Variants in TMTC2 observed in about 807,000 individuals in gnomAD.
TMTC2 encodes the protein transmembrane O-mannosyltransferase targeting cadherins 2.
Under a neutral mutation model 82.4 loss-of-function variants are expected in TMTC2, and 43 were observed. That is an observed-to-expected ratio of 0.52 (90% CI 0.41 to 0.67). TMTC2 has a LOEUF of 0.67. TMTC2 is among the 30% of genes least tolerant of loss of function. The probability of loss-of-function intolerance (pLI) is 0.00; values close to 1 mark genes in which losing one functional copy is unlikely to be tolerated. For synonymous variants in TMTC2, 408 were observed against 381.9 expected (o/e 1.07, Z -0.80); for missense variants, 919 against 1,012.4 (o/e 0.91, Z 1.25).
intron 8 of TMTC2, among the ~76,000 whole-genome samples, chr12:83,003,361 T>G (rs1880011093): frequency 6.6e-6 from 1 of 151,914 alleles, no homozygotes; most frequent in African/African-American, 2.4e-5. Context: ...TCTTGATTTT[T>G]TAATGTAACT....
chr12:82,730,457 C>T (rs148223626), intron 1 of TMTC2, among the ~76,000 whole-genome samples: 1 of 152,280 alleles, frequency 6.6e-6, no homozygotes, highest in African/African-American at 2.4e-5. Context: ...TGCTAGTTAT[C>T]AGTATGTGCC....
chr12:82,925,992 GT>G (rs66942274), intron 3 of TMTC2, among the ~76,000 whole-genome samples: 91,567 of 132,166 alleles, frequency 0.69, 30,224 homozygotes, highest in South Asian at 0.78. Flanking sequence ...TTTTTTTTTT[GT>G]TTTTTTTTTG....
chr12:82,884,994 C>T (rs879838053), intron 2 of TMTC2, among the ~76,000 whole-genome samples: 13 of 152,134 alleles, frequency 8.5e-5, no homozygotes, highest in African/African-American at 1.9e-4. Flanking sequence ...CCCAGACTCA[C>T]GCAATCCTCC....
intron 1 of TMTC2, among the ~76,000 whole-genome samples, chr12:82,842,298 T>C (rs1189678965): frequency 1.3e-5 from 2 of 152,244 alleles, no homozygotes; most frequent in African/African-American, 4.8e-5. Flanking sequence ...TAGTGTTTTA[T>C]TGTGTCTGTT....
At chr12:82,849,316 G>A (rs1870847703) in intron 1 of TMTC2, among the ~76,000 whole-genome samples, 1 of 152,198 alleles carries the variant, frequency 6.6e-6, no homozygotes, top group Non-Finnish European at 1.5e-5. Flanking sequence ...ATAGCCTAAT[G>A]AAGGAAAGAG....
Position 83,133,086 on chromosome 12 carries a change from G to C in TMTC2, c.*697G>C, listed in dbSNP as rs1271876685. On this transcript the variant is annotated 3_prime_UTR_variant, in exon 12 of 12. Transcript: ENST00000321196. ...GCTAACCATACTTCACACTCGAGTTGTATGAGGGACTGGGGAGGCCTTATA... is the reference window on the plus strand; with the variant it reads ...GCTAACCATACTTCACACTCGAGTTCTATGAGGGACTGGGGAGGCCTTATA... The C allele has an allele frequency of 3.3e-5, 5 of 152,178 alleles. No individual in the cohort carries two copies. The highest frequency in any genetic ancestry group is 3.3e-4 in the Admixed American group (5 of 15,282). 9.4% of individuals were successfully genotyped at this position (152,178 alleles called of 1,614,324 possible). A position where few individuals can be genotyped will look rare whatever the true frequency, so the allele number is the denominator to read the frequency against.
At chr12:83,122,184 C>T (rs990379133) in intron 11 of TMTC2, among the ~76,000 whole-genome samples, 4 of 151,972 alleles carry the variant, frequency 2.6e-5, no homozygotes, top group Non-Finnish European at 2.9e-5. Context: ...AAGCAAGTTT[C>T]GCCGAGTCTG....
At chr12:83,028,699 G>A (rs766773835) in intron 8 of TMTC2, among the ~76,000 whole-genome samples, 2 of 152,072 alleles carry the variant, frequency 1.3e-5, no homozygotes, top group African/African-American at 4.8e-5. Context: ...CTAAACAAGT[G>A]TGGGAGCTGT....
At chr12:82,720,622 G>A (rs1475822765) in intron 1 of TMTC2, among the ~76,000 whole-genome samples, 1 of 152,104 alleles carries the variant, frequency 6.6e-6, no homozygotes, top group Admixed American at 6.5e-5. Context: ...CTGCAGATAC[G>A]ATCATTATCT....
At chr12:83,101,840 G>C (rs1884227648) in intron 11 of TMTC2, among the ~76,000 whole-genome samples, 2 of 152,174 alleles carry the variant, frequency 1.3e-5, no homozygotes. Context: ...ATTAATGGAA[G>C]ACAGACTTTC....
chr12:83,101,437 C>G lies in TMTC2; in HGVS notation c.2332-30773C>G, dbSNP rs979830420. Among the ~76,000 whole-genome samples, 3 of 152,178 alleles carry G rather than the reference C, an allele frequency of 2.0e-5. No homozygotes were observed. The East Asian group carries it at 5.8e-4, about 29-fold the overall frequency. ...GTTGGTGCAAATAGGTTTTCAGCATCTCTCAGTAACTCTGTCTGCCTTTCT... is the reference window on the plus strand; with the variant it reads ...GTTGGTGCAAATAGGTTTTCAGCATGTCTCAGTAACTCTGTCTGCCTTTCT... On this transcript the variant is annotated intron_variant, in intron 11 of 11. Transcript: ENST00000321196.
At chr12:82,890,904 A>G (rs1311862365) in intron 2 of TMTC2, among the ~76,000 whole-genome samples, 2 of 152,162 alleles carry the variant, frequency 1.3e-5, no homozygotes, top group African/African-American at 2.4e-5. Context: ...AATGCTCCCT[A>G]TCAAAGATTG....
At chr12:82,892,755 C>T (rs1873460691) in intron 2 of TMTC2, among the ~76,000 whole-genome samples, 1 of 152,156 alleles carries the variant, frequency 6.6e-6, no homozygotes, top group Admixed American at 6.6e-5. Context: ...TGTTCTTAGG[C>T]ACATTTTAAA....
chr12:82,881,099 T>G (rs949696950), intron 2 of TMTC2, among the ~76,000 whole-genome samples: 3 of 152,178 alleles, frequency 2.0e-5, no homozygotes, highest in Admixed American at 1.3e-4. Context: ...ATTTAAAAGA[T>G]AGTACTATAA....
In TMTC2 at chr12:82,876,130, A is replaced by ATGGTGG. The variant is rs575160141; in HGVS notation, c.654+18570_654+18575dup. The stretch of plus-strand genomic sequence containing the variant: ...GGTGGTGGTGGTGGTGGTATTAGTA[A>ATGGTGG]TGGTGGTGGTGGTGGTGGTGGTGGT... On this transcript the variant is annotated intron_variant, in intron 2 of 11. Transcript: ENST00000321196. Among the ~76,000 whole-genome samples, 62 of 111,356 alleles carry ATGGTGG rather than the reference A, an allele frequency of 5.6e-4. 1 individual carries two copies. Among genetic ancestry groups the ATGGTGG allele is most frequent in the African/African-American group, 1.6e-3 (45 of 28,752 alleles). 73.1% of individuals were successfully genotyped at this position (111,356 alleles called of 152,430 possible). A position where few individuals can be genotyped will look rare whatever the true frequency, so the allele number is the denominator to read the frequency against.
In TMTC2 at chr12:82,869,834, G is replaced by T. The variant is rs575794269; in HGVS notation, c.654+12254G>T. ...AACCTTGGTTACAGAGTGAGACCCTGTCTCAAAAAAAAAAATAAATAAAAA... is the reference window on the plus strand; with the variant it reads ...AACCTTGGTTACAGAGTGAGACCCTTTCTCAAAAAAAAAAATAAATAAAAA... On this transcript the variant is annotated intron_variant, in intron 2 of 11. Transcript: ENST00000321196. Among the ~76,000 whole-genome samples, 623 of 148,602 alleles carry T rather than the reference G, an allele frequency of 4.2e-3. 2 individuals carry two copies. Among genetic ancestry groups the T allele is most frequent in the Non-Finnish European group, 6.9e-3 (467 of 67,468 alleles).
At chr12:82,822,234 A>G (rs1869157609) in intron 1 of TMTC2, among the ~76,000 whole-genome samples, 1 of 152,180 alleles carries the variant, frequency 6.6e-6, no homozygotes, top group South Asian at 2.1e-4. Flanking sequence ...GTAATGGTGG[A>G]TACATTTGCC....
chr12:83,001,466 C>A (rs10862536), intron 8 of TMTC2, among the ~76,000 whole-genome samples: 115,572 of 150,948 alleles, frequency 0.77, 45,771 homozygotes, highest in South Asian at 0.93. Context: ...GGAGTAACCC[C>A]GTCTCTACTA....
intron 7 of TMTC2, among the ~76,000 whole-genome samples, chr12:82,978,158 AC>A: frequency 6.6e-6 from 1 of 151,754 alleles, no homozygotes; most frequent in Non-Finnish European, 1.5e-5. Flanking sequence ...AAATGGAATA[AC>A]CAAGACTTGA....
Sources: allele counts gnomAD v4.1 joint callset (sites outside exome capture counted in the v4.1 genomes callset), GRCh38; gene constraint gnomAD v4.1.1; transcripts MANE v1.5; gene names NCBI Gene and HGNC (gene_info 2026-07-23, HGNC 2026-07-21).